The following ITGB5 variants were observed in gnomAD, a reference collection of about 807,000 sequenced individuals.
ITGB5 encodes the protein integrin subunit beta 5, also known as integrin beta-5.
A neutral mutation model predicts 84.8 loss-of-function variants in ITGB5; 38 were observed. The observed-to-expected ratio is 0.45, with a 90% CI of 0.35 to 0.59. The LOEUF is 0.59. Ranked by LOEUF, ITGB5 falls within the 20% of genes least tolerant of loss-of-function variation. The pLI, the probability that ITGB5 is intolerant of heterozygous loss-of-function variation, is 0.01. For synonymous variants in ITGB5, 393 were observed against 414.4 expected (o/e 0.95, Z 0.63); for missense variants, 905 against 1,034.5 (o/e 0.87, Z 1.72).
intron 2 of ITGB5, among the ~76,000 whole-genome samples, chr3:124,863,469 A>C (rs1443020550): frequency 6.6e-6 from 1 of 152,242 alleles, no homozygotes; most frequent in African/African-American, 2.4e-5. Flanking sequence ...AGAGGGAGTT[A>C]GGTCACAAGC....
chr3:124,891,005 T>A (rs992273823), upstream of ITGB5, among the ~76,000 whole-genome samples: 1 of 151,980 alleles, frequency 6.6e-6, no homozygotes, highest in Admixed American at 6.6e-5. Flanking sequence ...TGGAACAGTT[T>A]CCTTTGTGGC....
intron 5 of ITGB5, among the ~76,000 whole-genome samples, chr3:124,824,922 G>A (rs2064761855): frequency 6.6e-6 from 1 of 152,220 alleles, no homozygotes; most frequent in African/African-American, 2.4e-5. Context: ...AACGAGGCCT[G>A]GCGCGGTGGC....
intron 5 of ITGB5, among the ~76,000 whole-genome samples, chr3:124,838,330 C>T (rs1486780083): frequency 6.6e-6 from 1 of 152,154 alleles, no homozygotes; most frequent in African/African-American, 2.4e-5. Context: ...CCTGAGACAA[C>T]CACTGTTACC....
intron 1 of ITGB5, among the ~76,000 whole-genome samples, chr3:124,898,920 A>G (rs1369487969): frequency 6.6e-6 from 1 of 151,880 alleles, no homozygotes; most frequent in East Asian, 1.9e-4. Flanking sequence ...TACTAAAAAT[A>G]CAAAAATTAG....
At chr3:124,766,457 G>A (rs577303899) in intron 12 of ITGB5, 112 bp from the exon 13 acceptor site, 52 of 1,321,782 alleles carry the variant, frequency 3.9e-5, no homozygotes, top group Non-Finnish European at 5.0e-5. Context: ...TGGGGGGTGT[G>A]GGCAGAAAAT....
intron 1 of ITGB5, among the ~76,000 whole-genome samples, chr3:124,886,306 C>G (rs1579345602): frequency 1.0e-5 from 1 of 100,236 alleles, no homozygotes; most frequent in Non-Finnish European, 2.0e-5. Flanking sequence ...GGTGCCCCCT[C>G]GGGTTTGCGG....
chr3:124,900,137 G>T (rs1935188790), intron 1 of ITGB5, among the ~76,000 whole-genome samples: 1 of 152,090 alleles, frequency 6.6e-6, no homozygotes, highest in African/African-American at 2.4e-5. Flanking sequence ...TGTTCCTACT[G>T]ACTATTGAAA....
intron 2 of ITGB5, among the ~76,000 whole-genome samples, chr3:124,871,386 G>A (rs1934040231): frequency 1.3e-5 from 2 of 152,108 alleles, no homozygotes; most frequent in African/African-American, 2.4e-5. Context: ...AATACAGATG[G>A]GGTTTCACCA....
At chr3:124,799,531 G>T (rs1002230060) in intron 9 of ITGB5, among the ~76,000 whole-genome samples, 2 of 152,172 alleles carry the variant, frequency 1.3e-5, no homozygotes, top group African/African-American at 4.8e-5. Flanking sequence ...CTGCACTCCA[G>T]CCTGGACGAC....
At chr3:124,873,318 A>G in intron 2 of ITGB5, 128 bp downstream of exon 2, 1 of 741,996 alleles carries the variant, frequency 1.3e-6, no homozygotes, top group Non-Finnish European at 2.5e-6. Flanking sequence ...GATGGGGAAG[A>G]GGCAGCTTAC....
Position 124,874,887 on chromosome 3 carries a change from T to C in ITGB5, c.71-1356A>G, listed in dbSNP as rs140749195. Among the ~76,000 whole-genome samples the C allele has an allele frequency of 3.4e-3, 522 of 152,256 alleles. 5 individuals carry two copies. Among genetic ancestry groups the C allele is most frequent in the African/African-American group, 0.011 (460 of 41,558 alleles). On this transcript the variant is annotated intron_variant, in intron 1 of 14. Transcript: ENST00000296181. ...GGTTTAAAACCTTAAATATAACACCTGAAATGTAAAACTACCAAAAGAAAA... is the reference window on the plus strand; with the variant it reads ...GGTTTAAAACCTTAAATATAACACCCGAAATGTAAAACTACCAAAAGAAAA...
chr3:124,805,493 C>G (rs902052583), intron 9 of ITGB5, among the ~76,000 whole-genome samples: 2 of 152,000 alleles, frequency 1.3e-5, no homozygotes, highest in Non-Finnish European at 2.9e-5. Flanking sequence ...ACTCTGTTAT[C>G]TATGCTAGAA....
upstream of ITGB5, among the ~76,000 whole-genome samples, chr3:124,889,661 A>G (rs568704680): frequency 1.2e-3 from 180 of 152,290 alleles, 1 homozygote; most frequent in South Asian, 2.7e-3. Flanking sequence ...TCTTGGAGCT[A>G]CCTGTCTCTT....
intron 1 of ITGB5, chr3:124,878,524 G>C (rs1257826086): frequency 1.3e-5 from 2 of 152,042 alleles, no homozygotes; most frequent in East Asian, 1.9e-4. Context: ...TCAAATTCAA[G>C]AAACTCTGCA....
intron 10 of ITGB5, among the ~76,000 whole-genome samples, chr3:124,785,406 ACT>A (rs1314231881): frequency 6.6e-6 from 1 of 151,886 alleles, no homozygotes; most frequent in Non-Finnish European, 1.5e-5. Context: ...ACATAGTGAA[ACT>A]CTGTCTCTAC....
chr3:124,883,624 G>A (rs905315577), intron 1 of ITGB5, among the ~76,000 whole-genome samples: 9 of 152,196 alleles, frequency 5.9e-5, no homozygotes, highest in African/African-American at 2.2e-4. Flanking sequence ...CTGCCAACAT[G>A]AGTCCACTAA....
At chr3:124,806,987 C>A (rs2064415746) in intron 9 of ITGB5, among the ~76,000 whole-genome samples, 1 of 152,114 alleles carries the variant, frequency 6.6e-6, no homozygotes, top group South Asian at 2.1e-4. Flanking sequence ...GGATCCACAT[C>A]AATTATATTT....
At chr3:124,802,674 C>A (rs973853603) in intron 9 of ITGB5, among the ~76,000 whole-genome samples, 1 of 152,226 alleles carries the variant, frequency 6.6e-6, no homozygotes, top group Non-Finnish European at 1.5e-5. Flanking sequence ...TCATTTTGCA[C>A]TGGGACCTAC....
chr3:124,892,264 G>T (rs1160664042), upstream of ITGB5, among the ~76,000 whole-genome samples: 2 of 151,976 alleles, frequency 1.3e-5, no homozygotes, highest in Non-Finnish European at 2.9e-5. Context: ...AAAGTGCTGG[G>T]ATTACAGGAG....
Sources: allele counts gnomAD v4.1 joint callset (sites outside exome capture counted in the v4.1 genomes callset), GRCh38; gene constraint gnomAD v4.1.1; transcripts MANE v1.5; gene names NCBI Gene and HGNC (gene_info 2026-07-23, HGNC 2026-07-21).